GRPR: variants seen among roughly 807,000 people sequenced by gnomAD.
The protein encoded by GRPR is gastrin-releasing peptide receptor.
A neutral mutation model predicts 15.6 loss-of-function variants in GRPR; 4 were observed. The ratio of observed to expected loss-of-function variants is 0.26; its 90% CI spans 0.13 to 0.59. The LOEUF is 0.59. Among genes scored for constraint, GRPR ranks in the 20% least tolerant of loss-of-function variants. GRPR has a pLI of 0.90. For synonymous variants in GRPR, 128 were observed against 126.8 expected, an observed-to-expected ratio of 1.01 and a Z score of -0.06; for missense variants, 270 against 304.1, an observed-to-expected ratio of 0.89 and a Z score of 0.83.
In GRPR at chrX:16,152,923, C is replaced by A. The variant is rs751607110; in HGVS notation, c.*278C>A. 2.1e-4 allele frequency: 78 copies of A among 364,956 alleles called. No individual in the cohort carries two copies. The highest frequency in any genetic ancestry group is 2.5e-4 in the Non-Finnish European group (51 of 207,607). The allele number at this position is 364,956 out of a possible 1,213,427, so 30.1% of individuals were successfully genotyped here. ...AACAAGTAGAAAATTATTTTTTAAGCCTCAAGCCCTGTTAAATGGTCGTGG... is the reference window on the plus strand; with the variant it reads ...AACAAGTAGAAAATTATTTTTTAAGACTCAAGCCCTGTTAAATGGTCGTGG... On this transcript the variant is annotated 3_prime_UTR_variant, in exon 3 of 3. Coordinates refer to ENST00000380289, the MANE Select transcript of GRPR (RefSeq NM_005314.3).
At chrX:16,133,151 T>C (rs971701636) in intron 1 of GRPR, among the ~76,000 whole-genome samples, 24 of 111,591 alleles carry the variant, frequency 2.2e-4, no homozygotes, top group Non-Finnish European at 7.6e-5. Flanking sequence ...AATTATTCTA[T>C]TTCCCCTGTC....
At chrX:16,145,718 G>A (rs1288197835) in intron 1 of GRPR, among the ~76,000 whole-genome samples, 1 of 111,974 alleles carries the variant, frequency 8.9e-6, no homozygotes, top group Non-Finnish European at 1.9e-5. Flanking sequence ...TACATGATGT[G>A]ATTATTATGC....
At chrX:16,129,632 T>G (rs1206168455) in intron 1 of GRPR, among the ~76,000 whole-genome samples, 1 of 112,076 alleles carries the variant, frequency 8.9e-6, no homozygotes, top group African/African-American at 3.2e-5. Context: ...GCTCTTTCTG[T>G]CTGTGAAATA....
rs1922731016 is a variant in GRPR at position 16,152,616 on chromosome X, G to A, written c.1126G>A (p.Gly376Arg). The A allele has an allele frequency of 1.7e-6, 2 of 1,208,305 alleles. No homozygotes were observed. The highest frequency in any genetic ancestry group is 3.5e-5 in the African/African-American group (2 of 56,940). Residue 376 changes from glycine (G) to arginine (R), a missense_variant, in exon 3 of 3, where the codon GGA becomes AGA. By Grantham distance (125) the Gly-to-Arg change is moderately radical. This residue lies in a region of GRPR where 133 missense variants were observed against 123.4 expected (regional missense o/e 1.08). Coordinates refer to ENST00000380289, the MANE Select transcript of GRPR (RefSeq NM_005314.3). ...CGTGGCCACCTTTAGCCTCATCAAT[G>A]GAAACATCTGTCACGAGCGGTATGT... ...PSVATFSLIN[G>R]NICHERYV
chrX:16,141,170 C>T (rs1294017224), intron 1 of GRPR, among the ~76,000 whole-genome samples: 2 of 112,092 alleles, frequency 1.8e-5, no homozygotes, highest in Non-Finnish European at 3.8e-5. Context: ...TCAAACATAT[C>T]CACTGGTAAC....
In GRPR at chrX:16,150,612, G is replaced by T; in HGVS notation, c.721G>T (p.Ala241Ser). The change falls in exon 2 of 3, where the codon GCT becomes TCT. Residue 241 changes from alanine (A) to serine (S), a missense_variant. This residue lies in a region of GRPR where 133 missense variants were observed against 123.4 expected (regional missense o/e 1.08). Coordinates refer to ENST00000380289, the MANE Select transcript of GRPR (RefSeq NM_005314.3). ...CATTGCTAAAAATCTGATCCAGAGT[G>T]CTTACAATCTTCCCGTGGAAGGGAA... ...YFIAKNLIQSAYNLPVEGNIH... is the reference protein window; with the variant it reads ...YFIAKNLIQSSYNLPVEGNIH... 1 of 1,191,662 alleles carries T rather than the reference G, an allele frequency of 8.4e-7. No individual in the cohort carries two copies. The highest frequency in any genetic ancestry group is 1.1e-6 in the Non-Finnish European group (1 of 876,988).
chrX:16,124,069 T>A lies in GRPR; in HGVS notation c.116T>A (p.Ile39Asn). 1 of 1,208,099 alleles carries A rather than the reference T, an allele frequency of 8.3e-7. No homozygotes were observed. The highest frequency in any genetic ancestry group is 1.1e-6 in the Non-Finnish European group (1 of 892,253). ...PVNDDWSHPG[I>N]LYVIPAVYGV... is the part of the protein sequence containing the mutation. The stretch of plus-strand genomic sequence containing the variant: ...AACGATGACTGGTCCCACCCGGGGA[T>A]CCTCTATGTCATCCCTGCAGTTTAT... The change falls in exon 1 of 3, where the codon ATC becomes AAC. Residue 39 changes from isoleucine to asparagine, a missense_variant. By Grantham distance (149) the Ile-to-Asn change is moderately radical. Coordinates refer to ENST00000380289, the MANE Select transcript of GRPR (RefSeq NM_005314.3).
intron 1 of GRPR, among the ~76,000 whole-genome samples, chrX:16,145,863 A>G (rs1467343705): frequency 8.9e-6 from 1 of 112,337 alleles, no homozygotes; most frequent in East Asian, 2.8e-4. Flanking sequence ...AAGATAGTGC[A>G]TAATAAGCAG....
rs1922308926 is a variant in GRPR at position 16,127,317 on chromosome X, A to G, written c.413+2951A>G. ...TATGAAAAGAATATCAAGTTTCTAG[A>G]AAAGTTTACACTGGCATCACCGGGT... On this transcript the variant is annotated intron_variant, in intron 1 of 2. Coordinates refer to ENST00000380289, the MANE Select transcript of GRPR (RefSeq NM_005314.3). Among the ~76,000 whole-genome samples the G allele has an allele frequency of 6.3e-5, 7 of 111,818 alleles. No individual in the cohort carries two copies. The South Asian group carries it at 2.7e-3, about 43-fold the overall frequency.
At chrX:16,141,210 T>C in intron 1 of GRPR, among the ~76,000 whole-genome samples, 1 of 112,335 alleles carries the variant, frequency 8.9e-6, no homozygotes, top group East Asian at 2.8e-4. Flanking sequence ...TATACCTTTC[T>C]GATGGGCTCC....
Position 16,124,242 on chromosome X carries a change from G to A in GRPR, c.289G>A (p.Asp97Asn), listed in dbSNP as rs1024982825. 6.6e-6 allele frequency: 8 copies of A among 1,209,289 alleles called. No homozygotes were observed. The highest frequency in any genetic ancestry group is 7.8e-6 in the Non-Finnish European group (7 of 893,177). The change falls in exon 1 of 3, where the codon GAT (aspartate) becomes AAT (asparagine). Residue 97 changes from aspartate to asparagine, a missense_variant. Around this residue, in one of 3 missense-constraint regions of GRPR, gnomAD observed 115 missense variants for 128.8 expected, o/e 0.89. Transcript: ENST00000380289. ...CCTCCTAATAACGTGTGCTCCAGTG[G>A]ATGCCAGCAGGTACCTGGCTGACAG... The part of the protein sequence containing the change: ...LLLLITCAPV[D>N]ASRYLADRWL...
chrX:16,150,582 T>C lies in GRPR; in HGVS notation c.691T>C (p.Tyr231His), dbSNP rs76096707. Reference protein sequence around the residue: ...IPLSIISVYYYFIAKNLIQSA... With the variant: ...IPLSIISVYYHFIAKNLIQSA... ...ACTGTCGATCATCTCTGTTTACTAC[T>C]ACTTCATTGCTAAAAATCTGATCCA... The change falls in exon 2 of 3, where the codon TAC (tyrosine) becomes CAC (histidine). Residue 231 changes from tyrosine (Y) to histidine (H), a missense_variant. Around this residue, in one of 3 missense-constraint regions of GRPR, gnomAD observed 133 missense variants for 123.4 expected, o/e 1.08. Transcript: ENST00000380289. 103 of 1,198,200 alleles carry C rather than the reference T, an allele frequency of 8.6e-5. 1 individual carries two copies. Among genetic ancestry groups the C allele is most frequent in the Non-Finnish European group, 1.1e-4 (100 of 884,187 alleles).
intron 1 of GRPR, among the ~76,000 whole-genome samples, chrX:16,128,699 G>A (rs923436283): frequency 9.0e-6 from 1 of 110,645 alleles, no homozygotes; most frequent in Admixed American, 9.7e-5. Context: ...CTGATTGGGT[G>A]GGTTACATGT....
At position 16,124,024 on chromosome X, in the gene GRPR, A is replaced by C. The variant is rs148635601; in HGVS notation, c.71A>C (p.His24Pro). The C allele has an allele frequency of 3.7e-5, 45 of 1,200,138 alleles. No individual in the cohort carries two copies. The highest frequency in any genetic ancestry group is 5.9e-5 in the East Asian group (2 of 33,735). Residue 24 changes from histidine to proline, a missense_variant, in exon 1 of 3, where the codon CAC (histidine) becomes CCC (proline). By Grantham distance (77) the His-to-Pro change is moderately conservative. Around this residue, in one of 3 missense-constraint regions of GRPR, gnomAD observed 115 missense variants for 128.8 expected, o/e 0.89. Coordinates refer to ENST00000380289, the MANE Select transcript of GRPR (RefSeq NM_005314.3). The stretch of plus-strand genomic sequence containing the variant: ...TTCATGCACTGCAACATCTCCAGTC[A>C]CAGTGCGGATCTCCCCGTGAACGAT... ...DHFMHCNISS[H>P]SADLPVNDDW...
rs1293977297 is a variant in GRPR, at chrX:16,150,509, C to T, written c.618C>T (p.His206=). 1 of 1,202,034 alleles carries T rather than the reference C, an allele frequency of 8.3e-7. No homozygotes were observed. The highest frequency in any genetic ancestry group is 1.1e-6 in the Non-Finnish European group (1 of 888,128). Residue 206 remains histidine, a synonymous_variant, in exon 2 of 3, where the codon CAC becomes CAT. Transcript: ENST00000380289. ...CATACCCACACTCTAATGAGCTTCA[C>T]CCCAAAATCCATTCTATGGCTTCCT... The part of the protein sequence containing the change: ...CAPYPHSNEL[H]PKIHSMASFL...
chrX:16,152,653 C>A lies in GRPR; in HGVS notation c.*8C>A. 1 of 1,201,713 alleles carries A rather than the reference C, an allele frequency of 8.3e-7. No individual in the cohort carries two copies. Among genetic ancestry groups the A allele is most frequent in the Non-Finnish European group, 1.1e-6 (1 of 887,342 alleles). ...CACGAGCGGTATGTCTAGATTGACC[C>A]TTGATTTTGCCCCCTGAGGGACGGT... On this transcript the variant is annotated 3_prime_UTR_variant, in exon 3 of 3. Transcript: ENST00000380289.
chrX:16,151,144 G>C (rs1248074306), intron 2 of GRPR, among the ~76,000 whole-genome samples: 1 of 111,731 alleles, frequency 9.0e-6, no homozygotes, highest in African/African-American at 3.3e-5. Context: ...CAGCCTCTCT[G>C]AGCCTCAGTT....
chrX:16,152,378 C>T lies in GRPR; in HGVS notation c.888C>T (p.Thr296=), dbSNP rs913688224. ...YRSYHYSEVD[T]SMLHFVTSIC... The stretch of plus-strand genomic sequence containing the variant: ...CCTACCACTACTCTGAGGTGGACAC[C>T]TCCATGCTCCACTTTGTCACCAGCA... The change falls in exon 3 of 3, where the codon ACC becomes ACT. Residue 296 remains threonine, a synonymous_variant. Coordinates refer to ENST00000380289, the MANE Select transcript of GRPR (RefSeq NM_005314.3). 1.9e-5 allele frequency: 23 copies of T among 1,210,997 alleles called. No homozygotes were observed. The highest frequency in any genetic ancestry group is 2.2e-5 in the Non-Finnish European group (20 of 894,755).
chrX:16,124,471 T>C, intron 1 of GRPR, 105 bp downstream of exon 1: 1 of 740,106 alleles, frequency 1.4e-6, no homozygotes, highest in East Asian at 3.2e-5. Context: ...GAAGTTTTAC[T>C]CAAACACGGA....
Sources: allele counts gnomAD v4.1 joint callset (sites outside exome capture counted in the v4.1 genomes callset), GRCh38; gene constraint gnomAD v4.1.1; regional missense constraint gnomAD v4.1.1; transcripts MANE v1.5; gene names NCBI Gene and HGNC (gene_info 2026-07-23, HGNC 2026-07-21).